The following AFF1 variants were observed in gnomAD, a reference collection of about 807,000 sequenced individuals.
AFF1 encodes AF4/FMR2 family member 1.
Under a neutral mutation model 121.7 loss-of-function variants are expected in AFF1, and 48 were observed. That is an observed-to-expected ratio of 0.39 (90% CI 0.31 to 0.50). AFF1 has a LOEUF of 0.50. Ranked by LOEUF, AFF1 falls within the 20% of genes least tolerant of loss-of-function variation. AFF1 has a pLI of 0.76. For missense variants in AFF1, 1,523 were observed against 1,511.7 expected, an observed-to-expected ratio of 1.01 and a Z score of -0.12; for synonymous variants, 613 against 563.0, an observed-to-expected ratio of 1.09 and a Z score of -1.26.
At chr4:87,042,033 C>A (rs1361283904) in intron 2 of AFF1, among the ~76,000 whole-genome samples, 1 of 150,268 alleles carries the variant, frequency 6.7e-6, no homozygotes, top group Non-Finnish European at 1.5e-5. Flanking sequence ...AAAAAAGTTG[C>A]TACAGAGTTT....
intron 1 of AFF1, among the ~76,000 whole-genome samples, chr4:86,940,646 C>T (rs546173507): frequency 4.2e-4 from 64 of 152,246 alleles, no homozygotes; most frequent in African/African-American, 1.3e-3. Context: ...ATGATCCACC[C>T]GCCTCAGCCT....
intron 4 of AFF1, among the ~76,000 whole-genome samples, chr4:87,069,622 CA>C (rs899411473): frequency 6.6e-6 from 1 of 151,150 alleles, no homozygotes; most frequent in African/African-American, 2.4e-5. Flanking sequence ...CCTTTCCCCC[CA>C]CTTCCTCCCT....
chr4:86,941,707 C>G (rs1720475535), intron 1 of AFF1, among the ~76,000 whole-genome samples: 1 of 152,074 alleles, frequency 6.6e-6, no homozygotes, highest in African/African-American at 2.4e-5. Context: ...CATGGTGTTG[C>G]ATGCCTGTGG....
intron 2 of AFF1, among the ~76,000 whole-genome samples, chr4:87,022,206 CAAAA>C (rs11296179): frequency 6.6e-5 from 5 of 76,060 alleles, no homozygotes; most frequent in Middle Eastern, 7.8e-3. Flanking sequence ...GACTCCATCT[CAAAA>C]AAAAAAAAAA....
chr4:87,021,351 T>G (rs1727880617), intron 2 of AFF1, among the ~76,000 whole-genome samples: 1 of 152,214 alleles, frequency 6.6e-6, no homozygotes, highest in Non-Finnish European at 1.5e-5. Flanking sequence ...ACCACTCATT[T>G]ATCTTGGAGA....
chr4:87,110,267 T>C (rs1296169035), intron 11 of AFF1, among the ~76,000 whole-genome samples: 1 of 152,140 alleles, frequency 6.6e-6, no homozygotes. Flanking sequence ...GATACAGCCA[T>C]ATAATGCATA....
intron 8 of AFF1, among the ~76,000 whole-genome samples, chr4:87,105,011 T>C (rs1276587360): frequency 6.6e-6 from 1 of 152,256 alleles, no homozygotes; most frequent in Non-Finnish European, 1.5e-5. Flanking sequence ...TCACTATTAA[T>C]AATGTCCTTT....
chr4:86,986,151 C>T (rs757570959), intron 2 of AFF1, among the ~76,000 whole-genome samples: 5 of 151,982 alleles, frequency 3.3e-5, no homozygotes, highest in Non-Finnish European at 7.4e-5. Flanking sequence ...CAACTCACTG[C>T]AACCTCCACC....
intron 4 of AFF1, among the ~76,000 whole-genome samples, chr4:87,074,917 C>T (rs768517354): frequency 6.6e-6 from 1 of 152,086 alleles, no homozygotes; most frequent in Non-Finnish European, 1.5e-5. Context: ...TTATTTAAGC[C>T]GGGTCTTAAG....
intron 2 of AFF1, chr4:87,007,322 C>A (rs529919056): frequency 6.2e-7 from 1 of 1,603,532 alleles, no homozygotes; most frequent in African/African-American, 1.3e-5. Flanking sequence ...CCCGGCTCCG[C>A]CAAATGGTGA....
In AFF1 at chr4:87,083,329, TTCTC is replaced by T. The variant is rs1416121900; in HGVS notation, c.1060-789_1060-786del. On this transcript the variant is annotated intron_variant, in intron 4 of 20. Transcript: ENST00000395146. ...TTAATCTCCTCTACCCTTACAGTCT[TTCTC>T]TGAAAAAAACTTTGTGTGCGTCTGT... Among the ~76,000 whole-genome samples the T allele has an allele frequency of 2.6e-5, 4 of 152,188 alleles. No individual in the cohort carries two copies. In the South Asian group the frequency reaches 8.3e-4, roughly 31 times the overall value.
intron 4 of AFF1, among the ~76,000 whole-genome samples, chr4:87,051,212 G>C (rs1731224100): frequency 6.6e-6 from 1 of 152,272 alleles, no homozygotes. Context: ...GCCAGAGCTA[G>C]AACACCCAGT....
chr4:87,005,174 ACC>A (rs1216056617), intron 2 of AFF1, among the ~76,000 whole-genome samples: 6 of 152,182 alleles, frequency 3.9e-5, no homozygotes, highest in Non-Finnish European at 8.8e-5. Flanking sequence ...ATGGGGTCTC[ACC>A]ATGTTGTCCA....
At chr4:86,990,318 A>G (rs1578910877) in intron 2 of AFF1, among the ~76,000 whole-genome samples, 1 of 127,472 alleles carries the variant, frequency 7.8e-6, no homozygotes. Context: ...CCTTGTCCCT[A>G]TTTAAAAAAA....
intron 2 of AFF1, among the ~76,000 whole-genome samples, chr4:86,991,033 T>C (rs1462972964): frequency 1.3e-5 from 2 of 152,072 alleles, no homozygotes; most frequent in African/African-American, 4.8e-5. Flanking sequence ...GCGCCTGTAA[T>C]CCCAGCTACT....
chr4:87,128,817 G>A (rs1458966231), intron 16 of AFF1, among the ~76,000 whole-genome samples: 4 of 152,212 alleles, frequency 2.6e-5, no homozygotes, highest in Non-Finnish European at 5.9e-5. Context: ...GTACCAGGGT[G>A]ACCTAAGTCA....
intron 2 of AFF1, among the ~76,000 whole-genome samples, chr4:87,039,429 C>T (rs1191567251): frequency 1.3e-5 from 2 of 152,216 alleles, no homozygotes; most frequent in Non-Finnish European, 2.9e-5. Flanking sequence ...AAAGTGAGAG[C>T]ATTCTGGCAC....
At chr4:87,010,279 TA>T (rs1726604017) in intron 2 of AFF1, among the ~76,000 whole-genome samples, 1 of 152,226 alleles carries the variant, frequency 6.6e-6, no homozygotes, top group African/African-American at 2.4e-5. Context: ...TTTTAAAATT[TA>T]GATTTTTGGG....
chr4:87,113,009 A>G (rs1165434330), intron 11 of AFF1, among the ~76,000 whole-genome samples: 1 of 152,174 alleles, frequency 6.6e-6, no homozygotes, highest in African/African-American at 2.4e-5. Context: ...TGCACCCACT[A>G]TATGCAAGAT....
Sources: allele counts gnomAD v4.1 joint callset (sites outside exome capture counted in the v4.1 genomes callset), GRCh38; gene constraint gnomAD v4.1.1; transcripts MANE v1.5; gene names NCBI Gene and HGNC (gene_info 2026-07-23, HGNC 2026-07-21).